Variants in ZNF385D observed in about 807,000 individuals in gnomAD.
ZNF385D encodes the protein zinc finger protein 385D, also known as zinc finger protein 659.
A neutral mutation model predicts 35.8 loss-of-function variants in ZNF385D; 15 were observed. That is an observed-to-expected ratio of 0.42 (90% CI 0.28 to 0.64). The LOEUF (loss-of-function observed/expected upper bound fraction) is 0.64. Among genes scored for constraint, ZNF385D ranks in the 30% least tolerant of loss-of-function variants. ZNF385D has a pLI of 0.23. For synonymous variants in ZNF385D, 212 were observed against 186.8 expected, an observed-to-expected ratio of 1.13 and a Z score of -1.10; for missense variants, 474 against 494.6, an observed-to-expected ratio of 0.96 and a Z score of 0.39.
chr3:21,997,870 CGCGTGTGTGTGT>C (rs1165254501), intron 3 of ZNF385D, among the ~76,000 whole-genome samples: 41 of 62,258 alleles, frequency 6.6e-4, no homozygotes, highest in Admixed American at 2.5e-3. Context: ...CGCGCGCGCG[CGCGTGTGTGTGT>C]GTGTGTGTGT....
At chr3:22,080,316 G>C (rs1213985110) in intron 3 of ZNF385D, among the ~76,000 whole-genome samples, 1 of 152,020 alleles carries the variant, frequency 6.6e-6, no homozygotes, top group African/African-American at 2.4e-5. Context: ...ATGCATAAAT[G>C]ACAGTCATCT....
At chr3:21,641,722 T>A (rs2065612086) in intron 2 of ZNF385D, among the ~76,000 whole-genome samples, 1 of 150,954 alleles carries the variant, frequency 6.6e-6, no homozygotes, top group Admixed American at 6.6e-5. Flanking sequence ...GTGATCTGCC[T>A]GCCTTGGCCT....
intron 3 of ZNF385D, among the ~76,000 whole-genome samples, chr3:21,911,241 G>A (rs1381306448): frequency 6.6e-6 from 1 of 151,870 alleles, no homozygotes; most frequent in Non-Finnish European, 1.5e-5. Context: ...AAAAATTAAG[G>A]TTTTTATGAG....
At chr3:21,724,806 T>C (rs920422868) in intron 1 of ZNF385D, among the ~76,000 whole-genome samples, 7 of 152,112 alleles carry the variant, frequency 4.6e-5, no homozygotes, top group African/African-American at 1.4e-4. Flanking sequence ...TATTCAGGAC[T>C]TGAACTCAGC....
rs956642139 is a variant in ZNF385D at position 21,898,554 on chromosome 3, T to C, written c.326-233526A>G. 7.2e-5 allele frequency among the ~76,000 whole-genome samples: 11 copies of C among 152,268 alleles called. No homozygotes were observed. The East Asian group carries it at 7.7e-4, about 11-fold the overall frequency. ...GTTACTGGAAAAGAACTAAAGTAGATAGATATATTATAACTTCCAATTTAC... is the reference window on the plus strand; with the variant it reads ...GTTACTGGAAAAGAACTAAAGTAGACAGATATATTATAACTTCCAATTTAC... On this transcript the variant is annotated intron_variant, in intron 3 of 5. Coordinates refer to the ZNF385D transcript ENST00000494108.
intron 2 of ZNF385D, among the ~76,000 whole-genome samples, chr3:21,598,914 C>G (rs2064201904): frequency 1.3e-5 from 2 of 152,148 alleles, no homozygotes; most frequent in Non-Finnish European, 2.9e-5. Context: ...GGGATCATCT[C>G]CATGCCTGAG....
At chr3:22,001,959 T>C (rs1695869577) in intron 3 of ZNF385D, among the ~76,000 whole-genome samples, 1 of 151,378 alleles carries the variant, frequency 6.6e-6, no homozygotes. Flanking sequence ...AAGAGGGAAG[T>C]TTATCACAAT....
chr3:21,919,128 T>C (rs1221487001), intron 3 of ZNF385D, among the ~76,000 whole-genome samples: 1 of 152,226 alleles, frequency 6.6e-6, no homozygotes. Context: ...ATTATAAATA[T>C]TGCCAAAGGA....
chr3:22,137,122 C>G (rs1370987625), intron 3 of ZNF385D, among the ~76,000 whole-genome samples: 1 of 152,076 alleles, frequency 6.6e-6, no homozygotes, highest in Non-Finnish European at 1.5e-5. Flanking sequence ...ATTTGGGGAG[C>G]TGCGGTATAT....
chr3:21,718,301 G>A (rs2125440166), intron 1 of ZNF385D, among the ~76,000 whole-genome samples: 1 of 152,234 alleles, frequency 6.6e-6, no homozygotes, highest in Admixed American at 6.5e-5. Flanking sequence ...TTGATCCCTT[G>A]GGGTTGATAT....
intron 4 of ZNF385D, among the ~76,000 whole-genome samples, chr3:21,492,607 A>C (rs1294455604): frequency 6.6e-6 from 1 of 151,530 alleles, no homozygotes; most frequent in Admixed American, 6.6e-5. Context: ...ATACGGTGAA[A>C]CCTCCTCTCC....
chr3:21,920,832 G>C (rs1356893551), intron 3 of ZNF385D, among the ~76,000 whole-genome samples: 1 of 152,114 alleles, frequency 6.6e-6, no homozygotes, highest in East Asian at 1.9e-4. Flanking sequence ...AGACTGATCT[G>C]TAACACTGCT....
chr3:22,214,734 A>T (rs1368655627), intron 2 of ZNF385D, among the ~76,000 whole-genome samples: 1 of 151,954 alleles, frequency 6.6e-6, no homozygotes, highest in Non-Finnish European at 1.5e-5. Context: ...TGATCAGACC[A>T]GTTGTCTGCT....
chr3:22,107,395 G>A (rs954410197), intron 3 of ZNF385D, among the ~76,000 whole-genome samples: 1 of 151,852 alleles, frequency 6.6e-6, no homozygotes, highest in East Asian at 1.9e-4. Flanking sequence ...ATTTTTTTCT[G>A]AGAGTCAGGA....
intron 4 of ZNF385D, among the ~76,000 whole-genome samples, chr3:21,494,547 G>A (rs369392547): frequency 1.1e-4 from 17 of 152,088 alleles, no homozygotes; most frequent in African/African-American, 2.9e-4. Flanking sequence ...CAAAGGCCCC[G>A]GGAGGAATCA....
intron 3 of ZNF385D, among the ~76,000 whole-genome samples, chr3:21,914,199 C>T (rs1294810005): frequency 6.6e-6 from 1 of 152,024 alleles, no homozygotes; most frequent in Non-Finnish European, 1.5e-5. Context: ...AACTAGCAGA[C>T]TAATTCAAGC....
rs1303473679 is a variant in ZNF385D at position 21,652,126 on chromosome 3, T to C, written c.165+12760A>G. ...TTAAAGTAAATTATAATGTCTTTAATAGGTAAATTTAAATTGAATTTCAGG... is the reference window on the plus strand; with the variant it reads ...TTAAAGTAAATTATAATGTCTTTAACAGGTAAATTTAAATTGAATTTCAGG... On this transcript the variant is annotated intron_variant, in intron 2 of 7. Transcript: ENST00000281523. Among the ~76,000 whole-genome samples the C allele has an allele frequency of 2.6e-5, 4 of 152,230 alleles. No individual in the cohort carries two copies. The South Asian group carries it at 6.2e-4, about 24-fold the overall frequency.
intron 2 of ZNF385D, among the ~76,000 whole-genome samples, chr3:22,307,044 T>C (rs1703266024): frequency 6.6e-6 from 1 of 152,104 alleles, no homozygotes; most frequent in Admixed American, 6.6e-5. Context: ...TACTCTGAAA[T>C]TCACATAGAG....
At chr3:21,574,960 A>G (rs1229579003) in intron 2 of ZNF385D, among the ~76,000 whole-genome samples, 1 of 151,776 alleles carries the variant, frequency 6.6e-6, no homozygotes, top group African/African-American at 2.4e-5. Context: ...GTAAGTGGCT[A>G]AAGAGGACTA....
Sources: allele counts gnomAD v4.1 joint callset (sites outside exome capture counted in the v4.1 genomes callset), GRCh38; gene constraint gnomAD v4.1.1; transcripts MANE v1.5; gene names NCBI Gene and HGNC (gene_info 2026-07-23, HGNC 2026-07-21).